The following PRDM16 variants were observed in gnomAD, a reference collection of about 807,000 sequenced individuals.
PRDM16 encodes PR/SET domain 16, also known as histone-lysine N-methyltransferase PRDM16.
In PRDM16, 23 loss-of-function variants were observed where a neutral mutation model predicts 110.6. The observed-to-expected ratio is 0.21, with a 90% CI of 0.15 to 0.29. The LOEUF (loss-of-function observed/expected upper bound fraction) is 0.29. Ranked by LOEUF, PRDM16 falls within the 10% of genes least tolerant of loss-of-function variation. The probability of loss-of-function intolerance (pLI) is 1.00; values close to 1 mark genes in which losing one functional copy is unlikely to be tolerated. For missense variants in PRDM16, 1,615 were observed against 1,794.3 expected (o/e 0.90, Z 1.81); for synonymous variants, 799 against 781.8 (o/e 1.02, Z -0.37).
At chr1:3,149,834 T>G (rs754097558) in intron 1 of PRDM16, among the ~76,000 whole-genome samples, 6 of 152,212 alleles carry the variant, frequency 3.9e-5, no homozygotes, top group Admixed American at 6.5e-5. Flanking sequence ...CCACCCGCCC[T>G]ACTCATCCAA....
intron 1 of PRDM16, among the ~76,000 whole-genome samples, chr1:3,172,786 G>A (rs562724271): frequency 1.3e-5 from 2 of 152,324 alleles, no homozygotes; most frequent in East Asian, 1.9e-4. Flanking sequence ...TGCCGGGGCT[G>A]GGGGAGGGGA....
chr1:3,218,093 A>G (rs1031694700), intron 2 of PRDM16, among the ~76,000 whole-genome samples: 9 of 152,026 alleles, frequency 5.9e-5, no homozygotes, highest in African/African-American at 1.9e-4. Context: ...ACAAAACACT[A>G]TTGTCGTGGC....
At chr1:3,225,896 C>T (rs1639278829) in intron 2 of PRDM16, among the ~76,000 whole-genome samples, 2 of 152,238 alleles carry the variant, frequency 1.3e-5, no homozygotes, top group Non-Finnish European at 2.9e-5. Context: ...GTGGCATGCT[C>T]CAATGCAAGG....
chr1:3,180,902 GCA>G (rs1023534043), intron 1 of PRDM16, among the ~76,000 whole-genome samples: 8 of 133,126 alleles, frequency 6.0e-5, no homozygotes, highest in Admixed American at 7.8e-5. Context: ...CCTCACACAC[GCA>G]GTCTTACACG....
intron 3 of PRDM16, among the ~76,000 whole-genome samples, chr1:3,270,375 G>A (rs780940406): frequency 3.7e-4 from 55 of 149,884 alleles, no homozygotes; most frequent in Admixed American, 1.9e-3. Context: ...CAGTCAGGAG[G>A]AGGACAGCCA....
intron 3 of PRDM16, among the ~76,000 whole-genome samples, chr1:3,324,580 G>A (rs533261449): frequency 1.3e-5 from 2 of 152,118 alleles, no homozygotes; most frequent in African/African-American, 4.8e-5. Context: ...CCGAACAGCC[G>A]AGCGACCTGG....
In PRDM16 at chr1:3,415,445, G is replaced by GC. The variant is rs553722272; in HGVS notation, c.2691+804dup. On this transcript the variant is annotated intron_variant, in intron 10 of 16. Coordinates refer to ENST00000270722, the MANE Select transcript of PRDM16 (RefSeq NM_022114.4). ...TCTCGGCCTTCCCCGCCGTGGACGGGCCCCCCACCTGGTTTGTGAAACCTG... is the reference window on the plus strand; with the variant it reads ...TCTCGGCCTTCCCCGCCGTGGACGGGCCCCCCCACCTGGTTTGTGAAACCTG... 1.7e-4 allele frequency among the ~76,000 whole-genome samples: 26 copies of GC among 152,382 alleles called. No individual in the cohort carries two copies. In the South Asian group the frequency reaches 5.2e-3, roughly 30 times the overall value.
chr1:3,118,126 T>TGTGC (rs1643009393), intron 1 of PRDM16, among the ~76,000 whole-genome samples: 1 of 150,992 alleles, frequency 6.6e-6, no homozygotes, highest in African/African-American at 2.4e-5. Context: ...TGTGCGTGTG[T>TGTGC]GCGTGTGTAC....
intron 3 of PRDM16, among the ~76,000 whole-genome samples, chr1:3,321,349 TG>T (rs1641738902): frequency 6.6e-6 from 1 of 151,108 alleles, no homozygotes; most frequent in South Asian, 2.1e-4. Flanking sequence ...CATTTGTGTG[TG>T]GGTCTGTGTG....
intron 3 of PRDM16, among the ~76,000 whole-genome samples, chr1:3,320,998 C>T (rs968795478): frequency 1.3e-5 from 2 of 152,236 alleles, no homozygotes; most frequent in Non-Finnish European, 2.9e-5. Flanking sequence ...CGTGCCCTTC[C>T]TCATGGAGCC....
chr1:3,386,056 C>G (rs1398504302), intron 4 of PRDM16, among the ~76,000 whole-genome samples: 1 of 152,210 alleles, frequency 6.6e-6, no homozygotes, highest in African/African-American at 2.4e-5. Flanking sequence ...TTCAAGCTTG[C>G]GAGTGGCCCC....
Position 3,359,948 on chromosome 1 carries a change from G to A in PRDM16, c.439-25204G>A, listed in dbSNP as rs1049854568. ...GCCAGCTCCTCACAGAAGGCCGCCC[G>A]GCTCAGAACAGGTCCCTTCAGCCGG... On this transcript the variant is annotated intron_variant, in intron 3 of 16. Coordinates refer to ENST00000270722, the MANE Select transcript of PRDM16 (RefSeq NM_022114.4). This position sits in a 1 kb window ranked among gnomAD's most constrained non-coding sequence, Gnocchi z 4.3. Among the ~76,000 whole-genome samples the A allele has an allele frequency of 3.9e-5, 6 of 152,214 alleles. No homozygotes were observed. The highest frequency in any genetic ancestry group is 1.9e-4 in the East Asian group (1 of 5,182).
intron 3 of PRDM16, among the ~76,000 whole-genome samples, chr1:3,335,021 C>T (rs959463059): frequency 2.0e-5 from 3 of 152,212 alleles, no homozygotes; most frequent in Admixed American, 6.5e-5. Context: ...CAGCGCCAGC[C>T]CCGCCATGTC....
chr1:3,161,592 C>T (rs889977474), intron 1 of PRDM16, among the ~76,000 whole-genome samples: 2 of 152,348 alleles, frequency 1.3e-5, no homozygotes, highest in South Asian at 4.1e-4. Context: ...CCCGCTGGAC[C>T]AGGCAGGGCT....
chr1:3,150,596 A>G (rs556011955), intron 1 of PRDM16, among the ~76,000 whole-genome samples: 2 of 151,846 alleles, frequency 1.3e-5, no homozygotes, highest in Non-Finnish European at 2.9e-5. Context: ...TAAAATAAAA[A>G]TGGAGGTTTT....
chr1:3,273,470 ATGTG>A (rs1317550753), intron 3 of PRDM16, among the ~76,000 whole-genome samples: 1 of 150,916 alleles, frequency 6.6e-6, no homozygotes, highest in Admixed American at 6.6e-5. Context: ...GTGTGAGTGA[ATGTG>A]TGTGCACATG....
intron 1 of PRDM16, among the ~76,000 whole-genome samples, chr1:3,095,540 G>A (rs888832139): frequency 2.0e-5 from 3 of 152,116 alleles, no homozygotes; most frequent in Admixed American, 1.3e-4. Flanking sequence ...ATGGGGGGCC[G>A]GGCTCAGCTG....
intron 5 of PRDM16, among the ~76,000 whole-genome samples, chr1:3,398,876 G>C (rs1643425209): frequency 1.3e-5 from 2 of 152,226 alleles, no homozygotes; most frequent in Non-Finnish European, 2.9e-5. Context: ...AAGAGGGCTT[G>C]GCTGGAGACC....
chr1:3,196,683 A>G (rs1254029316), intron 2 of PRDM16, among the ~76,000 whole-genome samples: 1 of 152,166 alleles, frequency 6.6e-6, no homozygotes, highest in East Asian at 1.9e-4. Flanking sequence ...CTACTGGCTG[A>G]GAGTTCCCGG....
Sources: allele counts gnomAD v4.1 joint callset (sites outside exome capture counted in the v4.1 genomes callset), GRCh38; gene constraint gnomAD v4.1.1; non-coding constraint Gnocchi (gnomAD v3.1); transcripts MANE v1.5; gene names NCBI Gene and HGNC (gene_info 2026-07-23, HGNC 2026-07-21).